The following LGSN variants were observed in gnomAD, a reference collection of about 807,000 sequenced individuals.
LGSN encodes the protein lengsin.
LGSN carries 21 observed loss-of-function variants against 19.5 expected under a neutral mutation model. The ratio of observed to expected loss-of-function variants is 1.07; its 90% confidence interval spans 0.76 to 1.55. LGSN has a LOEUF of 1.55. LGSN is among the 40% of genes most tolerant of loss of function. LGSN has a pLI of 0.00. For synonymous variants in LGSN, 257 were observed against 215.6 expected (o/e 1.19, Z -1.68); for missense variants, 673 against 608.5 (o/e 1.11, Z -1.12).
At chr6:63,494,145 T>A in the LGSN span, among the ~76,000 whole-genome samples, 384 of 152,156 alleles carry the variant, frequency 2.5e-3, 3 homozygotes, top group African/African-American at 8.7e-3. Context: ...AGATGAGGTT[T>A]CACCATGTTG....
At chr6:63,538,924 A>G in the LGSN span, among the ~76,000 whole-genome samples, 1 of 152,024 alleles carries the variant, frequency 6.6e-6, no homozygotes, top group Admixed American at 6.6e-5. Flanking sequence ...ATGGAGTCTC[A>G]CTCTGTCACC....
chr6:63,368,709 C>G, the LGSN span, among the ~76,000 whole-genome samples: 2 of 152,162 alleles, frequency 1.3e-5, no homozygotes, highest in Non-Finnish European at 2.9e-5. Context: ...TGTTTATTGT[C>G]TGTTTCCTCC....
the LGSN span, among the ~76,000 whole-genome samples, chr6:63,505,703 A>C: frequency 6.6e-6 from 1 of 152,084 alleles, no homozygotes; most frequent in Non-Finnish European, 1.5e-5. Flanking sequence ...TCTGTCGCCC[A>C]GGCCAAAGTG....
At chr6:63,322,046 A>G (rs1312929350), upstream of LGSN, among the ~76,000 whole-genome samples, 1 of 152,238 alleles carries the variant, frequency 6.6e-6, no homozygotes, top group Non-Finnish European at 1.5e-5. Context: ...TCATGAGAAC[A>G]GATTGCAGAA....
chr6:63,477,565 G>T, the LGSN span, among the ~76,000 whole-genome samples: 8 of 151,018 alleles, frequency 5.3e-5, no homozygotes, highest in Non-Finnish European at 1.0e-4. Context: ...ATGCCATGGG[G>T]GTCTCGTCCT....
intron 3 of LGSN, among the ~76,000 whole-genome samples, chr6:63,284,328 T>C (rs1443609849): frequency 6.6e-6 from 1 of 152,186 alleles, no homozygotes. Flanking sequence ...GGAATAAAAG[T>C]GTTTTTTGTA....
upstream of LGSN, among the ~76,000 whole-genome samples, chr6:63,324,117 A>G (rs1296563118): frequency 6.6e-6 from 1 of 152,168 alleles, no homozygotes; most frequent in East Asian, 1.9e-4. Context: ...ACCTCTGGAA[A>G]ACTTCACTAT....
chr6:63,521,291 T>C, the LGSN span, among the ~76,000 whole-genome samples: 2 of 152,210 alleles, frequency 1.3e-5, no homozygotes, highest in Non-Finnish European at 2.9e-5. Flanking sequence ...TTTTTAGTGT[T>C]GCACAGAAAA....
At chr6:63,412,514 G>GAAAGAAAGAAAGAAAA in the LGSN span, among the ~76,000 whole-genome samples, 1 of 101,952 alleles carries the variant, frequency 9.8e-6, no homozygotes, top group African/African-American at 4.4e-5. Flanking sequence ...AAGAAAGAAA[G>GAAAGAAAGAAAGAAAA]AAAGAAAGAA....
At chr6:63,358,720 A>C in the LGSN span, among the ~76,000 whole-genome samples, 2 of 152,212 alleles carry the variant, frequency 1.3e-5, no homozygotes, top group Non-Finnish European at 1.5e-5. Context: ...TATCAGCTTA[A>C]GGAGATTTTG....
At chr6:63,422,829 A>C in the LGSN span, among the ~76,000 whole-genome samples, 1 of 152,154 alleles carries the variant, frequency 6.6e-6, no homozygotes, top group African/African-American at 2.4e-5. Flanking sequence ...CAAACAGAAA[A>C]TCAAAAAACA....
the LGSN span, among the ~76,000 whole-genome samples, chr6:63,432,170 AAAAGGAAAG>A: frequency 3.6e-3 from 350 of 96,148 alleles, 11 homozygotes; most frequent in East Asian, 0.02. Flanking sequence ...AGAAAGAAAG[AAAAGGAAAG>A]AAAGAAAAGA....
At chr6:63,438,252 A>T in the LGSN span, among the ~76,000 whole-genome samples, 4 of 152,234 alleles carry the variant, frequency 2.6e-5, no homozygotes, top group Admixed American at 6.5e-5. Context: ...CTCTACAAAA[A>T]ACACAAAAAT....
the LGSN span, among the ~76,000 whole-genome samples, chr6:63,494,627 ACTT>A: frequency 6.6e-6 from 1 of 152,182 alleles, no homozygotes; most frequent in Non-Finnish European, 1.5e-5. Flanking sequence ...ACTCTATTCT[ACTT>A]CTTTTTATTC....
the LGSN span, among the ~76,000 whole-genome samples, chr6:63,444,173 A>G: frequency 1.3e-5 from 2 of 151,942 alleles, no homozygotes; most frequent in Non-Finnish European, 2.9e-5. Context: ...TTCAGTATTC[A>G]CTCATTTAAT....
At chr6:63,302,966 A>C (rs1768246286) in intron 1 of LGSN, among the ~76,000 whole-genome samples, 1 of 152,134 alleles carries the variant, frequency 6.6e-6, no homozygotes. Flanking sequence ...CATCTCTACT[A>C]AAAATGCAAA....
intron 2 of LGSN, among the ~76,000 whole-genome samples, chr6:63,291,497 G>A (rs1767767745): frequency 1.3e-5 from 2 of 152,194 alleles, no homozygotes; most frequent in South Asian, 2.1e-4. Flanking sequence ...CTCTCCGACC[G>A]TCCCCAGCTG....
the LGSN span, among the ~76,000 whole-genome samples, chr6:63,379,303 C>T: frequency 2.6e-5 from 4 of 152,110 alleles, no homozygotes; most frequent in African/African-American, 7.2e-5. Flanking sequence ...TACCATGAGG[C>T]CTGAGCTTTG....
intron 2 of LGSN, among the ~76,000 whole-genome samples, chr6:63,291,265 T>C (rs1582028011): frequency 6.6e-6 from 1 of 152,128 alleles, no homozygotes; most frequent in East Asian, 1.9e-4. Context: ...ACCAGCTCAG[T>C]GGAAATTCCG....
Sources: gnomAD v4.1 joint callset for allele counts (sites outside exome capture counted in the v4.1 genomes callset) on GRCh38, gnomAD v4.1.1 for gene constraint, MANE v1.5 for transcripts, NCBI Gene and HGNC (gene_info 2026-07-23, HGNC 2026-07-21) for gene names.